The following LRIT3 variants were observed in gnomAD, a reference collection of about 807,000 sequenced individuals.
LRIT3 encodes the protein leucine-rich repeat, immunoglobulin-like domain and transmembrane domain-containing protein 3.
Under a neutral mutation model 22.6 loss-of-function variants are expected in LRIT3, and 14 were observed. That is an observed-to-expected ratio of 0.62 (90% confidence interval 0.41 to 0.97). The LOEUF is 0.97. Ranked by LOEUF, LRIT3 falls within the 50% of genes least tolerant of loss-of-function variation. LRIT3 has a pLI of 0.00. For missense variants in LRIT3, 783 were observed against 803.0 expected, an observed-to-expected ratio of 0.98 and a Z score of 0.30; for synonymous variants, 306 against 304.5, an observed-to-expected ratio of 1.01 and a Z score of -0.05.
chr4:109,868,685 T>C (rs1298931416), intron 3 of LRIT3, among the ~76,000 whole-genome samples: 1 of 152,118 alleles, frequency 6.6e-6, no homozygotes, highest in African/African-American at 2.4e-5. Flanking sequence ...ATATTGATTA[T>C]ATAGACTTTT....
At chr4:109,855,266 T>A (rs1734373357) in intron 2 of LRIT3, among the ~76,000 whole-genome samples, 1 of 152,192 alleles carries the variant, frequency 6.6e-6, no homozygotes, top group Non-Finnish European at 1.5e-5. Flanking sequence ...GGTTTAGTAT[T>A]GGGAGGGTGT....
intron 1 of LRIT3, among the ~76,000 whole-genome samples, chr4:109,851,093 C>T (rs1055845862): frequency 6.6e-6 from 1 of 152,124 alleles, no homozygotes; most frequent in Non-Finnish European, 1.5e-5. Context: ...GGCTGTGAAA[C>T]CCACTAGCTG....
At chr4:109,858,499 A>G (rs1231596553) in intron 2 of LRIT3, among the ~76,000 whole-genome samples, 1 of 152,144 alleles carries the variant, frequency 6.6e-6, no homozygotes, top group Non-Finnish European at 1.5e-5. Flanking sequence ...GCAGTAATCT[A>G]AACAGGAGAT....
At chr4:109,865,821 G>A (rs1486656185) in intron 2 of LRIT3, among the ~76,000 whole-genome samples, 1 of 152,178 alleles carries the variant, frequency 6.6e-6, no homozygotes, top group Non-Finnish European at 1.5e-5. Context: ...TGGGGGTGAA[G>A]CTTGACAGAA....
intron 2 of LRIT3, among the ~76,000 whole-genome samples, chr4:109,858,397 A>ATCTTCTTT (rs1380479491): frequency 2.6e-5 from 4 of 151,796 alleles, no homozygotes; most frequent in African/African-American, 9.7e-5. Context: ...TGACAATTGG[A>ATCTTCTTT]TGTGTTAGTT....
rs759504028 is a variant in LRIT3 at position 109,851,993 on chromosome 4, C to T, written c.589+17C>T. The T allele has an allele frequency of 6.0e-6, 9 of 1,505,032 alleles. No individual in the cohort carries two copies. Among genetic ancestry groups the T allele is most frequent in the Non-Finnish European group, 5.3e-6 (6 of 1,128,312 alleles). The allele number at this position is 1,505,032 out of a possible 1,614,324, so 93.2% of individuals were successfully genotyped here. On this transcript the variant is annotated intron_variant, in intron 2 of 3. Transcript: ENST00000594814. The stretch of plus-strand genomic sequence containing the variant: ...TTATTCTTGGTAAGCTCGCAAGCCT[C>T]TGGGCTTTTCATCTATAGTTACTTT...
chr4:109,851,202 A>C (rs1352194390), intron 1 of LRIT3: 2 of 261,892 alleles, frequency 7.6e-6, no homozygotes, highest in African/African-American at 2.2e-5. Flanking sequence ...CTGAGTACCT[A>C]TTCTGTGCCA....
chr4:109,854,775 C>T (rs1169622785), intron 2 of LRIT3, among the ~76,000 whole-genome samples: 1 of 152,138 alleles, frequency 6.6e-6, no homozygotes, highest in East Asian at 1.9e-4. Flanking sequence ...GAGTTTTTAG[C>T]ATGAAAGGGT....
chr4:109,869,814 A>G lies in LRIT3; in HGVS notation c.1065A>G (p.Pro355=). ...VLGITTTPIP[P]DTSERTGDHP... is the part of the protein sequence containing the mutation. ...GCATTACCACAACTCCAATACCACC[A>G]GACACTTCTGAAAGAACTGGAGATC... The change falls in exon 4 of 4, where the codon CCA becomes CCG. Residue 355 remains proline (P), a synonymous_variant. Coordinates refer to ENST00000594814, the MANE Select transcript of LRIT3 (RefSeq NM_198506.5). 2 of 1,614,032 alleles carry G rather than the reference A, an allele frequency of 1.2e-6. No homozygotes were observed. The highest frequency in any genetic ancestry group is 8.5e-7 in the Non-Finnish European group (1 of 1,179,894).
At chr4:109,861,422 A>G (rs1223112311) in intron 2 of LRIT3, among the ~76,000 whole-genome samples, 3 of 151,774 alleles carry the variant, frequency 2.0e-5, no homozygotes, top group African/African-American at 7.3e-5. Context: ...GTATAACATT[A>G]TACATTCCCA....
At chr4:109,850,385 TCCTTCCTTCCTTCCTTCCTTCCTTCCTTC>T (rs1734188109) in intron 1 of LRIT3, among the ~76,000 whole-genome samples, 1 of 550 alleles carries the variant, frequency 1.8e-3, no homozygotes, top group Admixed American at 0.042. Flanking sequence ...CTTCCTTCCT[TCCTTCCTTCCTTCCTTCCTTCCTTCCTTC>T]CTTCCTTCCT....
chr4:109,869,492 A>G (rs1734766446), intron 3 of LRIT3, among the ~76,000 whole-genome samples, 153 bp from the exon 4 acceptor site: 1 of 152,234 alleles, frequency 6.6e-6, no homozygotes, highest in African/African-American at 2.4e-5. Context: ...TTGCAGAACT[A>G]TCACCCACTG....
At chr4:109,852,809 A>G (rs995640626) in intron 2 of LRIT3, among the ~76,000 whole-genome samples, 2 of 150,896 alleles carry the variant, frequency 1.3e-5, no homozygotes, top group African/African-American at 4.9e-5. Flanking sequence ...TCATTTTTCA[A>G]CTCCCACTTA....
At chr4:109,859,657 C>T (rs532528879) in intron 2 of LRIT3, among the ~76,000 whole-genome samples, 7 of 152,278 alleles carry the variant, frequency 4.6e-5, no homozygotes, top group Non-Finnish European at 1.0e-4. Flanking sequence ...AGGTGCACCT[C>T]ATGCATCCGT....
intron 2 of LRIT3, among the ~76,000 whole-genome samples, chr4:109,852,177 A>T (rs1160653804): frequency 6.6e-6 from 1 of 152,168 alleles, no homozygotes; most frequent in Non-Finnish European, 1.5e-5. Context: ...GTGTGCATGC[A>T]TGTGTGTACA....
chr4:109,855,295 C>A (rs1734374051), intron 2 of LRIT3, among the ~76,000 whole-genome samples: 1 of 152,068 alleles, frequency 6.6e-6, no homozygotes, highest in Non-Finnish European at 1.5e-5. Context: ...AGGAATTTAT[C>A]CATTTCTTCT....
At chr4:109,868,397 T>C (rs1321182943) in intron 3 of LRIT3, among the ~76,000 whole-genome samples, 2 of 151,942 alleles carry the variant, frequency 1.3e-5, no homozygotes, top group African/African-American at 4.8e-5. Flanking sequence ...ATGGCAAAAC[T>C]CCGTCTCTAC....
chr4:109,864,987 G>T (rs957930798), intron 2 of LRIT3: 1 of 1,058,246 alleles, frequency 9.4e-7, no homozygotes, highest in African/African-American at 1.6e-5. Flanking sequence ...AATCAATAGA[G>T]ATAAAAATGT....
At chr4:109,850,354 TCTTCCTTCCTTCCTTCCTTCCTTCCTTC>T in intron 1 of LRIT3, among the ~76,000 whole-genome samples, 1 of 137,060 alleles carries the variant, frequency 7.3e-6, no homozygotes, top group Non-Finnish European at 1.6e-5. Flanking sequence ...GACAGTGTTG[TCTTCCTTCCTTCCTTCCTTCCTTCCTTC>T]CTTCCTTCCT....
Sources: gnomAD v4.1 joint callset for allele counts (sites outside exome capture counted in the v4.1 genomes callset) on GRCh38, gnomAD v4.1.1 for gene constraint, MANE v1.5 for transcripts, NCBI Gene and HGNC (gene_info 2026-07-23, HGNC 2026-07-21) for gene names.